Variants in VWC2L observed in about 807,000 individuals in gnomAD.
The protein encoded by VWC2L is von Willebrand factor C domain-containing protein 2-like.
Under a neutral mutation model 21.6 loss-of-function variants are expected in VWC2L, and 10 were observed. The observed-to-expected ratio is 0.46, with a 90% CI of 0.29 to 0.78. VWC2L has a LOEUF of 0.78. VWC2L is among the 30% of genes least tolerant of loss of function. The pLI is 0.10. For missense variants in VWC2L, 209 were observed against 277.1 expected (o/e 0.75, Z 1.74); for synonymous variants, 96 against 94.3 (o/e 1.02, Z -0.10).
At chr2:214,433,159 G>GATATATAT (rs5838434) in intron 2 of VWC2L, among the ~76,000 whole-genome samples, 64 of 132,988 alleles carry the variant, frequency 4.8e-4, no homozygotes, top group Middle Eastern at 3.9e-3. Flanking sequence ...CAAGCCACCT[G>GATATATAT]ATATATATAT....
intron 3 of VWC2L, among the ~76,000 whole-genome samples, chr2:214,538,830 G>A (rs915921894): frequency 3.3e-5 from 5 of 152,022 alleles, no homozygotes; most frequent in African/African-American, 1.2e-4. Context: ...AGCTAGAAGT[G>A]GTTAAGTGAG....
intron 3 of VWC2L, among the ~76,000 whole-genome samples, chr2:214,502,463 G>A (rs1316399266): frequency 6.6e-6 from 1 of 152,104 alleles, no homozygotes; most frequent in Non-Finnish European, 1.5e-5. Flanking sequence ...CCTGCTACTT[G>A]GGAGGCTGAG....
chr2:214,436,551 T>C (rs1287570331), intron 2 of VWC2L, 78 bp from the exon 3 acceptor site: 1 of 1,540,056 alleles, frequency 6.5e-7, no homozygotes, highest in African/African-American at 1.4e-5. Flanking sequence ...AGCACTGATG[T>C]TTTGTCTTCT....
At chr2:214,523,496 C>CA (rs906891133) in intron 3 of VWC2L, among the ~76,000 whole-genome samples, 11 of 149,680 alleles carry the variant, frequency 7.3e-5, no homozygotes, top group South Asian at 4.3e-4. Flanking sequence ...TTCTAAGATG[C>CA]AAAAAAAAAT....
In VWC2L at chr2:214,535,027, C is replaced by T. The variant is rs548261886; in HGVS notation, c.521-40645C>T. Among the ~76,000 whole-genome samples the T allele has an allele frequency of 7.2e-5, 11 of 151,936 alleles. No individual in the cohort carries two copies. The East Asian group carries it at 7.8e-4, about 11-fold the overall frequency. On this transcript the variant is annotated intron_variant, in intron 3 of 3. Transcript: ENST00000312504. ...TGAAAATACTGCAAAAACGGATAGG[C>T]GGAATGGAATCATAAAGAAAAGGAA...
chr2:214,425,086 T>C (rs2126173758), intron 2 of VWC2L, among the ~76,000 whole-genome samples: 1 of 152,342 alleles, frequency 6.6e-6, no homozygotes, highest in South Asian at 2.1e-4. Flanking sequence ...ATGGTTGCTT[T>C]TAGAATATTC....
chr2:214,572,489 T>C (rs759147345), intron 3 of VWC2L, among the ~76,000 whole-genome samples: 6 of 152,188 alleles, frequency 3.9e-5, no homozygotes, highest in Non-Finnish European at 5.9e-5. Flanking sequence ...TTAAGAAACG[T>C]ATTCCCTTAT....
At chr2:214,497,622 C>T (rs1408496398) in intron 3 of VWC2L, among the ~76,000 whole-genome samples, 1 of 152,196 alleles carries the variant, frequency 6.6e-6, no homozygotes, top group African/African-American at 2.4e-5. Flanking sequence ...TTTCTAACCC[C>T]AAATTTCCAG....
chr2:214,557,114 G>A (rs1187219121), intron 3 of VWC2L, among the ~76,000 whole-genome samples: 1 of 152,134 alleles, frequency 6.6e-6, no homozygotes. Context: ...CTCAGATGCT[G>A]TATTAGTTCG....
At chr2:214,458,250 CT>C (rs1467951517) in intron 3 of VWC2L, among the ~76,000 whole-genome samples, 1 of 151,924 alleles carries the variant, frequency 6.6e-6, no homozygotes, top group African/African-American at 2.4e-5. Flanking sequence ...CTTTGGTCAT[CT>C]TTTTTATTTC....
At chr2:214,537,294 G>A (rs1433018531) in intron 3 of VWC2L, among the ~76,000 whole-genome samples, 2 of 151,898 alleles carry the variant, frequency 1.3e-5, no homozygotes, top group East Asian at 1.9e-4. Context: ...ACATTTTCTC[G>A]ATCCATTCAT....
intron 3 of VWC2L, among the ~76,000 whole-genome samples, chr2:214,552,662 C>T (rs1400128153): frequency 6.6e-6 from 1 of 152,192 alleles, no homozygotes; most frequent in African/African-American, 2.4e-5. Flanking sequence ...CTACTCACGA[C>T]TTAAATGTTA....
intron 3 of VWC2L, among the ~76,000 whole-genome samples, chr2:214,465,554 A>T (rs1703203031): frequency 6.6e-6 from 1 of 152,156 alleles, no homozygotes; most frequent in Non-Finnish European, 1.5e-5. Flanking sequence ...TAGTTGAAGG[A>T]AGGAATAACT....
At chr2:214,435,615 A>T (rs766815285) in intron 2 of VWC2L, among the ~76,000 whole-genome samples, 1 of 152,162 alleles carries the variant, frequency 6.6e-6, no homozygotes, top group Admixed American at 6.6e-5. Flanking sequence ...AGAGGGCTTT[A>T]ATTAGCACAG....
At chr2:214,434,382 A>G (rs1490652021) in intron 2 of VWC2L, among the ~76,000 whole-genome samples, 1 of 152,160 alleles carries the variant, frequency 6.6e-6, no homozygotes. Flanking sequence ...ACGGTTTTCT[A>G]ACTCACATTT....
chr2:214,541,458 G>A (rs1367681641), intron 3 of VWC2L, among the ~76,000 whole-genome samples: 1 of 152,088 alleles, frequency 6.6e-6, no homozygotes, highest in East Asian at 1.9e-4. Flanking sequence ...GCATGCTTCT[G>A]GGCATAGAAT....
intron 3 of VWC2L, among the ~76,000 whole-genome samples, chr2:214,559,869 G>A (rs1171145463): frequency 2.0e-5 from 3 of 152,156 alleles, no homozygotes; most frequent in Non-Finnish European, 4.4e-5. Context: ...CCAAAGTGCT[G>A]GGATTATAGG....
intron 3 of VWC2L, among the ~76,000 whole-genome samples, chr2:214,470,613 A>G (rs576549139): frequency 6.6e-6 from 1 of 152,182 alleles, no homozygotes; most frequent in Admixed American, 6.5e-5. Flanking sequence ...CCTCCTATTG[A>G]AACAAATAGG....
At chr2:214,429,232 G>A (rs1315034760) in intron 2 of VWC2L, among the ~76,000 whole-genome samples, 2 of 152,268 alleles carry the variant, frequency 1.3e-5, no homozygotes, top group Admixed American at 6.5e-5. Context: ...ATAAACGGGC[G>A]ATAAATGTAG....
Sources: allele counts gnomAD v4.1 joint callset (sites outside exome capture counted in the v4.1 genomes callset), GRCh38; gene constraint gnomAD v4.1.1; transcripts MANE v1.5; gene names NCBI Gene and HGNC (gene_info 2026-07-23, HGNC 2026-07-21).